The following ALMS1 variants were observed in gnomAD, a reference collection of about 807,000 sequenced individuals.
ALMS1 encodes the protein ALMS1 centrosome and basal body associated protein.
ALMS1 carries 271 observed loss-of-function variants against 352.2 expected under a neutral mutation model. The observed-to-expected ratio is 0.77, with a 90% CI of 0.70 to 0.85. The LOEUF (loss-of-function observed/expected upper bound fraction) is 0.85, where lower values mean the gene tolerates loss of function less well. ALMS1 is among the 40% of genes least tolerant of loss of function. The pLI is 0.00. For missense variants in ALMS1, 5,445 were observed against 4,870.7 expected, an observed-to-expected ratio of 1.12 and a Z score of -3.51; for synonymous variants, 1,865 against 1,761.2, an observed-to-expected ratio of 1.06 and a Z score of -1.48.
intron 12 of ALMS1, among the ~76,000 whole-genome samples, chr2:73,546,467 T>TA (rs1472519571): frequency 6.6e-6 from 1 of 152,214 alleles, no homozygotes; most frequent in East Asian, 1.9e-4. Context: ...TGGTAGGTGT[T>TA]ACAATTTCAG....
chr2:73,519,649 C>A, intron 10 of ALMS1, 126 bp from the exon 11 acceptor site: 1 of 1,232,664 alleles, frequency 8.1e-7, no homozygotes, highest in South Asian at 1.4e-5. Flanking sequence ...TAACGTTTGA[C>A]ATTGATGTGT....
At chr2:73,390,635 A>G (rs1045915335) in intron 1 of ALMS1, among the ~76,000 whole-genome samples, 4 of 152,196 alleles carry the variant, frequency 2.6e-5, no homozygotes, top group Non-Finnish European at 5.9e-5. Flanking sequence ...CAGACCATTC[A>G]GGCACTTCTT....
intron 1 of ALMS1, among the ~76,000 whole-genome samples, chr2:73,406,918 C>A (rs1471758855): frequency 6.6e-6 from 1 of 152,198 alleles, no homozygotes; most frequent in African/African-American, 2.4e-5. Context: ...AGCCACCGCA[C>A]CTGGCCAAAG....
chr2:73,393,945 C>A (rs1408879369), intron 1 of ALMS1, among the ~76,000 whole-genome samples: 3 of 151,804 alleles, frequency 2.0e-5, no homozygotes, highest in Admixed American at 2.0e-4. Context: ...CTCAGCCTAC[C>A]AAGTAGCTGG....
chr2:73,605,940 C>T (rs1675808099), intron 21 of ALMS1, among the ~76,000 whole-genome samples: 1 of 151,824 alleles, frequency 6.6e-6, no homozygotes, highest in South Asian at 2.1e-4. Context: ...ATTGCAGTAA[C>T]TTCTCTCGTT....
chr2:73,585,498 ATTC>A (rs1314545424), intron 16 of ALMS1, among the ~76,000 whole-genome samples: 1 of 149,180 alleles, frequency 6.7e-6, no homozygotes, highest in African/African-American at 2.5e-5. Flanking sequence ...GGTTCAAGAG[ATTC>A]TTCTGCCTCA....
intron 7 of ALMS1, among the ~76,000 whole-genome samples, chr2:73,442,739 C>T (rs1382748026): frequency 6.6e-6 from 1 of 152,232 alleles, no homozygotes; most frequent in South Asian, 2.1e-4. Context: ...TTAACTTCTT[C>T]CTAGGTAATA....
chr2:73,408,864 C>CT (rs58686365), intron 2 of ALMS1, 117 bp downstream of exon 2: 45,123 of 186,426 alleles, frequency 0.24, 10,188 homozygotes, highest in East Asian at 0.32. Flanking sequence ...GTTTTCTTGT[C>CT]TTTTTTTTTT....
In ALMS1 at chr2:73,519,883, T is replaced by A; in HGVS notation, c.9648T>A (p.Ser3216=). Reference sequence around the variant, plus strand: ...GTCCAGAAAAGACCCTATTTTCATCTGAGATTTTTATTAATGCTGAAGATC... The same window carrying A: ...GTCCAGAAAAGACCCTATTTTCATCAGAGATTTTTATTAATGCTGAAGATC... ...TESPEKTLFS[S]EIFINAEDRG... Residue 3216 remains serine (S), a synonymous_variant, in exon 11 of 23, where the codon TCT becomes TCA. Coordinates refer to ENST00000613296, the MANE Select transcript of ALMS1 (RefSeq NM_001378454.1). 1 of 1,614,144 alleles carries A rather than the reference T, an allele frequency of 6.2e-7. No individual in the cohort carries two copies. Among genetic ancestry groups the A allele is most frequent in the South Asian group, 1.1e-5 (1 of 91,082 alleles).
chr2:73,529,519 C>A (rs1189793689), intron 11 of ALMS1, among the ~76,000 whole-genome samples: 1 of 152,148 alleles, frequency 6.6e-6, no homozygotes, highest in African/African-American at 2.4e-5. Context: ...TTATTGTAGT[C>A]TTCACAGTCT....
chr2:73,522,017 C>G (rs1022948226), intron 11 of ALMS1, among the ~76,000 whole-genome samples: 11 of 151,740 alleles, frequency 7.2e-5, no homozygotes. Context: ...TCTGAATTAA[C>G]AAGTTCCTCT....
chr2:73,573,723 G>T, intron 16 of ALMS1: 1 of 564,980 alleles, frequency 1.8e-6, no homozygotes, highest in South Asian at 2.3e-5. Context: ...TCTCTATCCT[G>T]AACAATATTG....
chr2:73,546,575 A>G (rs936500856), intron 12 of ALMS1, among the ~76,000 whole-genome samples: 5 of 152,250 alleles, frequency 3.3e-5, no homozygotes, highest in Admixed American at 3.3e-4. Flanking sequence ...CAAGTGATAA[A>G]TGCTAAGAAA....
intron 1 of ALMS1, among the ~76,000 whole-genome samples, chr2:73,404,811 A>AT (rs1558632045): frequency 6.9e-6 from 1 of 145,904 alleles, no homozygotes; most frequent in Non-Finnish European, 1.5e-5. Context: ...CTCCTGTGCA[A>AT]TTTTTTGGGA....
chr2:73,463,021 C>A (rs1232623767), intron 9 of ALMS1, among the ~76,000 whole-genome samples: 1 of 152,120 alleles, frequency 6.6e-6, no homozygotes, highest in Non-Finnish European at 1.5e-5. Context: ...GACTTTAACA[C>A]CCCACTGTCA....
chr2:73,464,902 T>G (rs941217814), intron 9 of ALMS1, among the ~76,000 whole-genome samples: 6 of 148,086 alleles, frequency 4.1e-5, no homozygotes, highest in Non-Finnish European at 9.0e-5. Flanking sequence ...ATGGAAGGAC[T>G]TCTTCAAGGA....
intron 1 of ALMS1, among the ~76,000 whole-genome samples, chr2:73,395,910 T>C (rs1410267040): frequency 1.3e-5 from 2 of 152,146 alleles, no homozygotes; most frequent in African/African-American, 2.4e-5. Context: ...CTGGGCTACA[T>C]TGGAAGAATT....
At position 73,602,301 on chromosome 2, in the gene ALMS1, T is replaced by A; in HGVS notation, c.12231T>A (p.Asp4077Glu). 6.2e-7 allele frequency: 1 copy of A among 1,614,208 alleles called. No homozygotes were observed. Residue 4077 changes from aspartate to glutamate, a missense_variant, in exon 20 of 23, where the codon GAT becomes GAA. By Grantham distance (45) the Asp-to-Glu change is conservative. Transcript: ENST00000613296. Reference protein sequence around the residue: ...KLQSMLQTERDALFNIDRERQ... With the variant: ...KLQSMLQTEREALFNIDRERQ... ...AGAGCATGTTACAGACCGAGCGGGA[T>A]GCACTATTCAACATTGACAGGGAAC...
chr2:73,512,961 T>C (rs1673482405), intron 10 of ALMS1, among the ~76,000 whole-genome samples: 1 of 152,224 alleles, frequency 6.6e-6, no homozygotes, highest in Non-Finnish European at 1.5e-5. Flanking sequence ...TACATTAATA[T>C]TTATTTCTCT....
Sources: gnomAD v4.1 joint callset for allele counts (sites outside exome capture counted in the v4.1 genomes callset) on GRCh38, gnomAD v4.1.1 for gene constraint, MANE v1.5 for transcripts, NCBI Gene and HGNC (gene_info 2026-07-23, HGNC 2026-07-21) for gene names.